The following MED27 variants were observed in gnomAD, a reference collection of about 807,000 sequenced individuals.
MED27 encodes the protein mediator of RNA polymerase II transcription subunit 27.
MED27 carries 30 observed loss-of-function variants against 38.2 expected under a neutral mutation model. The ratio of observed to expected loss-of-function variants is 0.79; its 90% CI spans 0.59 to 1.07. The LOEUF (loss-of-function observed/expected upper bound fraction) is 1.07. Ranked by LOEUF, MED27 falls within the 50% of genes least tolerant of loss-of-function variation. The pLI, the probability that MED27 is intolerant of heterozygous loss-of-function variation, is 0.00. For synonymous variants in MED27, 122 were observed against 153.5 expected (o/e 0.79, Z 1.52); for missense variants, 289 against 397.5 (o/e 0.73, Z 2.32).
At chr9:131,901,470 T>G (rs1456863841) in intron 4 of MED27, among the ~76,000 whole-genome samples, 1 of 152,190 alleles carries the variant, frequency 6.6e-6, no homozygotes. Context: ...AATCGACATA[T>G]GCCCGGAGTC....
chr9:132,008,396 G>A (rs1344582520), intron 3 of MED27, among the ~76,000 whole-genome samples: 4 of 152,162 alleles, frequency 2.6e-5, no homozygotes, highest in Admixed American at 1.3e-4. Flanking sequence ...GCCTCTTTAC[G>A]GAAACGATAG....
chr9:131,905,896 T>A (rs904220138), intron 4 of MED27, among the ~76,000 whole-genome samples: 6 of 152,160 alleles, frequency 3.9e-5, no homozygotes, highest in African/African-American at 1.4e-4. Flanking sequence ...ATACATATTA[T>A]GTGCAGGCCA....
At chr9:131,868,113 G>C (rs1564259987) in intron 6 of MED27, among the ~76,000 whole-genome samples, 3 of 152,344 alleles carry the variant, frequency 2.0e-5, no homozygotes, top group Admixed American at 6.5e-5. Context: ...ACGGGTGCTT[G>C]TGGAGTGGGG....
chr9:131,895,005 C>T (rs1195727689), intron 4 of MED27, among the ~76,000 whole-genome samples: 1 of 152,126 alleles, frequency 6.6e-6, no homozygotes, highest in African/African-American at 2.4e-5. Flanking sequence ...TTAGACCTTC[C>T]ACCATGTTGC....
At chr9:132,069,247 A>G (rs1282341186) in intron 2 of MED27, among the ~76,000 whole-genome samples, 1 of 152,206 alleles carries the variant, frequency 6.6e-6, no homozygotes, top group Non-Finnish European at 1.5e-5. Flanking sequence ...ACACACGTCC[A>G]GCAGCCTCTG....
At chr9:131,935,994 A>G (rs1394268915) in intron 4 of MED27, among the ~76,000 whole-genome samples, 1 of 151,920 alleles carries the variant, frequency 6.6e-6, no homozygotes, top group Admixed American at 6.6e-5. Context: ...TTAGCCAGGC[A>G]TGGTGGCACA....
At chr9:131,987,968 ACTGT>A (rs1185531119) in intron 3 of MED27, among the ~76,000 whole-genome samples, 1 of 152,150 alleles carries the variant, frequency 6.6e-6, no homozygotes, top group Non-Finnish European at 1.5e-5. Context: ...TGCAGCAAAA[ACTGT>A]CTGAAAAAGC....
chr9:131,920,195 C>T (rs1432884763), intron 4 of MED27, among the ~76,000 whole-genome samples: 5 of 152,122 alleles, frequency 3.3e-5, no homozygotes, highest in Non-Finnish European at 7.4e-5. Flanking sequence ...CTTGCCCCAC[C>T]CACCATGACA....
At chr9:132,002,642 T>C (rs1832262859) in intron 3 of MED27, among the ~76,000 whole-genome samples, 1 of 152,190 alleles carries the variant, frequency 6.6e-6, no homozygotes, top group African/African-American at 2.4e-5. Flanking sequence ...CTGGGCACAG[T>C]GGCTCTCGCC....
Position 131,889,711 on chromosome 9 carries a change from A to G in MED27, c.681+4174T>C, listed in dbSNP as rs1020853884. On this transcript the variant is annotated intron_variant, in intron 5 of 7. Transcript: ENST00000292035. This position sits in a 1 kb window ranked among gnomAD's most constrained non-coding sequence, Gnocchi z 4.2. ...GGGAAAAAACCTGCAAGGTCTGGAA[A>G]TTAGGGGTGGTGCTGGGCCACTACA... Among the ~76,000 whole-genome samples, 3 of 152,158 alleles carry G rather than the reference A, an allele frequency of 2.0e-5. No individual in the cohort carries two copies. The highest frequency in any genetic ancestry group is 7.2e-5 in the African/African-American group (3 of 41,440).
intron 2 of MED27, among the ~76,000 whole-genome samples, chr9:132,044,163 A>G (rs1228626715): frequency 6.6e-6 from 1 of 152,162 alleles, no homozygotes; most frequent in Non-Finnish European, 1.5e-5. Flanking sequence ...GGAAGGGAGA[A>G]GTACTCTGAA....
chr9:131,910,361 A>G (rs1830165431), intron 4 of MED27, among the ~76,000 whole-genome samples: 1 of 152,190 alleles, frequency 6.6e-6, no homozygotes, highest in Non-Finnish European at 1.5e-5. Context: ...CAGCTTTTCT[A>G]TCCTTAAACC....
intron 2 of MED27, among the ~76,000 whole-genome samples, chr9:132,036,181 T>G (rs1194492514): frequency 6.6e-6 from 1 of 152,182 alleles, no homozygotes; most frequent in Non-Finnish European, 1.5e-5. Context: ...AATGCAGGTC[T>G]TTTGGTTTAT....
chr9:132,021,817 A>AG (rs1466516245), intron 2 of MED27, among the ~76,000 whole-genome samples: 1 of 152,200 alleles, frequency 6.6e-6, no homozygotes, highest in Non-Finnish European at 1.5e-5. Context: ...AGGAAGAGGA[A>AG]GAGGAAGAGA....
At chr9:131,999,381 G>A (rs539234690) in intron 3 of MED27, among the ~76,000 whole-genome samples, 73 of 152,278 alleles carry the variant, frequency 4.8e-4, no homozygotes, top group Admixed American at 1.0e-3. Context: ...AGTTTCATGT[G>A]AGACCCAAGT....
intron 4 of MED27, among the ~76,000 whole-genome samples, chr9:131,938,921 G>A (rs925248167): frequency 7.2e-5 from 11 of 152,030 alleles, no homozygotes; most frequent in African/African-American, 2.7e-4. Context: ...CACTGTGTTA[G>A]CCAGGATGGT....
chr9:131,916,842 A>G (rs1285092433), intron 4 of MED27, among the ~76,000 whole-genome samples: 1 of 152,224 alleles, frequency 6.6e-6, no homozygotes, highest in African/African-American at 2.4e-5. Flanking sequence ...TCCATTTAAG[A>G]TCAATCCACA....
At chr9:131,978,560 T>A (rs998218388) in intron 3 of MED27, among the ~76,000 whole-genome samples, 3 of 152,228 alleles carry the variant, frequency 2.0e-5, no homozygotes, top group Non-Finnish European at 4.4e-5. Context: ...TTAAATGATA[T>A]CTTAGATTTG....
chr9:132,049,615 C>T (rs1333356652), intron 2 of MED27, among the ~76,000 whole-genome samples: 1 of 152,130 alleles, frequency 6.6e-6, no homozygotes, highest in Admixed American at 6.5e-5. Flanking sequence ...CAGCAGAATA[C>T]GGTCAGCCCA....
Sources: allele counts gnomAD v4.1 joint callset (sites outside exome capture counted in the v4.1 genomes callset), GRCh38; gene constraint gnomAD v4.1.1; non-coding constraint Gnocchi (gnomAD v3.1); transcripts MANE v1.5; gene names NCBI Gene and HGNC (gene_info 2026-07-23, HGNC 2026-07-21).